SH3GL2: variants seen among roughly 807,000 people sequenced by gnomAD.
SH3GL2 encodes SH3 domain containing GRB2 like 2, endophilin A1.
In SH3GL2, 24 loss-of-function variants were observed where a neutral mutation model predicts 46.0. The ratio of observed to expected loss-of-function variants is 0.52; its 90% confidence interval spans 0.38 to 0.73. The LOEUF (loss-of-function observed/expected upper bound fraction) is 0.73, where lower values mean the gene tolerates loss of function less well. Ranked by LOEUF, SH3GL2 falls within the 30% of genes least tolerant of loss-of-function variation. The probability of loss-of-function intolerance (pLI) is 0.00; values close to 1 mark genes in which losing one functional copy is unlikely to be tolerated. For synonymous variants in SH3GL2, 196 were observed against 147.1 expected (o/e 1.33, Z -2.40); for missense variants, 413 against 424.2 (o/e 0.97, Z 0.23).
intron 1 of SH3GL2, among the ~76,000 whole-genome samples, chr9:17,585,837 A>T (rs1427159312): frequency 6.6e-6 from 1 of 152,162 alleles, no homozygotes. Context: ...CGTATGTGGG[A>T]ATGAATGTTG....
chr9:17,593,244 C>T (rs895008886), intron 1 of SH3GL2, among the ~76,000 whole-genome samples: 2 of 151,994 alleles, frequency 1.3e-5, no homozygotes, highest in African/African-American at 4.8e-5. Context: ...GTTGTGGGAA[C>T]CCTGATTTAT....
intron 1 of SH3GL2, among the ~76,000 whole-genome samples, chr9:17,641,551 A>G (rs1464334362): frequency 1.3e-5 from 2 of 152,158 alleles, no homozygotes; most frequent in African/African-American, 4.8e-5. Flanking sequence ...TCAACCCGTC[A>G]TCTACATTAG....
chr9:17,656,165 G>A (rs1820071689), intron 1 of SH3GL2, among the ~76,000 whole-genome samples: 1 of 152,074 alleles, frequency 6.6e-6, no homozygotes, highest in Non-Finnish European at 1.5e-5. Context: ...TGTGTTGATG[G>A]ATCAGTACAC....
chr9:17,595,719 T>A (rs1047654612), intron 1 of SH3GL2, among the ~76,000 whole-genome samples: 3 of 152,142 alleles, frequency 2.0e-5, no homozygotes, highest in African/African-American at 7.2e-5. Context: ...GGGCAATATT[T>A]ATTGCAGTAG....
chr9:17,613,724 G>A (rs1818919789), intron 1 of SH3GL2, among the ~76,000 whole-genome samples: 1 of 152,194 alleles, frequency 6.6e-6, no homozygotes. Flanking sequence ...GAGGTGACGG[G>A]AAGAATGGCC....
intron 1 of SH3GL2, among the ~76,000 whole-genome samples, chr9:17,648,840 A>G (rs951051517): frequency 3.3e-5 from 5 of 152,218 alleles, no homozygotes; most frequent in African/African-American, 1.2e-4. Flanking sequence ...AAGAGATGAC[A>G]GTGTAAGTTA....
intron 1 of SH3GL2, among the ~76,000 whole-genome samples, chr9:17,616,431 A>G (rs965619816): frequency 6.6e-6 from 1 of 152,156 alleles, no homozygotes; most frequent in Non-Finnish European, 1.5e-5. Flanking sequence ...ACAAGGAGAA[A>G]TCTACCCAAA....
chr9:17,729,838 T>C (rs531521758), intron 1 of SH3GL2, among the ~76,000 whole-genome samples: 1 of 152,288 alleles, frequency 6.6e-6, no homozygotes, highest in South Asian at 2.1e-4. Flanking sequence ...TTGGTATGAG[T>C]ACCATGCTGT....
intron 1 of SH3GL2, among the ~76,000 whole-genome samples, chr9:17,676,595 G>A (rs969093311): frequency 6.6e-6 from 1 of 152,198 alleles, no homozygotes; most frequent in African/African-American, 2.4e-5. Context: ...GACAGAGCAA[G>A]ACTCTGTCTC....
chr9:17,638,284 C>T lies in SH3GL2; in HGVS notation c.45+58997C>T, dbSNP rs539651940. 2.0e-5 allele frequency among the ~76,000 whole-genome samples: 3 copies of T among 152,250 alleles called. No homozygotes were observed. In the East Asian group the frequency reaches 5.8e-4, roughly 29 times the overall value. ...AGTCAGTATCAAAAAAGTCCTATTT[C>T]GTTAGACATTCATTTATGTATCTAT... On this transcript the variant is annotated intron_variant, in intron 1 of 8. Transcript: ENST00000380607.
chr9:17,638,737 G>A (rs1366346140), intron 1 of SH3GL2, among the ~76,000 whole-genome samples: 1 of 152,180 alleles, frequency 6.6e-6, no homozygotes, highest in Non-Finnish European at 1.5e-5. Flanking sequence ...CAACAGGTAG[G>A]TGGGCCTCCC....
At chr9:17,599,974 C>A (rs142633321) in intron 1 of SH3GL2, among the ~76,000 whole-genome samples, 2 of 150,714 alleles carry the variant, frequency 1.3e-5, no homozygotes, top group African/African-American at 2.4e-5. Context: ...AGTTATTTTG[C>A]TTATGAAATA....
chr9:17,681,637 G>T (rs1040056425), intron 1 of SH3GL2, among the ~76,000 whole-genome samples: 6 of 152,100 alleles, frequency 3.9e-5, no homozygotes, highest in African/African-American at 1.4e-4. Context: ...CAAGACATAG[G>T]CATGGGAAAA....
intron 1 of SH3GL2, among the ~76,000 whole-genome samples, chr9:17,744,706 T>G (rs1392700354): frequency 6.6e-6 from 1 of 152,140 alleles, no homozygotes; most frequent in African/African-American, 2.4e-5. Context: ...CCGCACCCAA[T>G]TTCTAGTTTG....
chr9:17,782,811 G>T (rs1464958068), intron 3 of SH3GL2, among the ~76,000 whole-genome samples: 6 of 152,148 alleles, frequency 3.9e-5, no homozygotes, highest in Non-Finnish European at 7.4e-5. Context: ...GTGGGGAAGA[G>T]CAAGGAAAAA....
chr9:17,624,464 T>C (rs1819232120), intron 1 of SH3GL2, among the ~76,000 whole-genome samples: 1 of 152,216 alleles, frequency 6.6e-6, no homozygotes, highest in Admixed American at 6.5e-5. Context: ...ATCTCCATGC[T>C]CTTTCCATGT....
chr9:17,771,489 T>C (rs774519484), intron 3 of SH3GL2, among the ~76,000 whole-genome samples: 2 of 152,188 alleles, frequency 1.3e-5, no homozygotes, highest in Non-Finnish European at 2.9e-5. Context: ...AGGACCCTTC[T>C]TACAATAAGG....
intron 1 of SH3GL2, among the ~76,000 whole-genome samples, chr9:17,654,359 A>AG (rs1293858883): frequency 2.0e-5 from 3 of 152,148 alleles, no homozygotes; most frequent in African/African-American, 7.2e-5. Context: ...CCTCTAGGGA[A>AG]GGGGGATTGT....
At chr9:17,760,470 C>G (rs1823138790) in intron 2 of SH3GL2, among the ~76,000 whole-genome samples, 1 of 151,910 alleles carries the variant, frequency 6.6e-6, no homozygotes. Context: ...TGATATTATA[C>G]TGGTATATAC....
Sources: allele counts gnomAD v4.1 joint callset (sites outside exome capture counted in the v4.1 genomes callset), GRCh38; gene constraint gnomAD v4.1.1; transcripts MANE v1.5; gene names NCBI Gene and HGNC (gene_info 2026-07-23, HGNC 2026-07-21).